Variants in PTPRQ observed in about 807,000 individuals in gnomAD.
The protein encoded by PTPRQ is phosphatidylinositol phosphatase PTPRQ.
Under a neutral mutation model 246.0 loss-of-function variants are expected in PTPRQ, and 199 were observed. That is an observed-to-expected ratio of 0.81 (90% CI 0.72 to 0.91). The LOEUF is 0.91. Ranked by LOEUF, PTPRQ falls within the 40% of genes least tolerant of loss-of-function variation. The probability of loss-of-function intolerance (pLI) is 0.00; values close to 1 mark genes in which losing one functional copy is unlikely to be tolerated. For missense variants in PTPRQ, 2,624 were observed against 2,528.4 expected (o/e 1.04, Z -0.81); for synonymous variants, 869 against 853.2 (o/e 1.02, Z -0.32).
chr12:80,557,084 C>A (rs1049308150), intron 25 of PTPRQ, among the ~76,000 whole-genome samples: 1 of 152,100 alleles, frequency 6.6e-6, no homozygotes, highest in African/African-American at 2.4e-5. Context: ...CTGAACACTG[C>A]AGAAATCTCT....
intron 25 of PTPRQ, among the ~76,000 whole-genome samples, chr12:80,558,087 C>T (rs1896697556): frequency 7.1e-6 from 1 of 140,608 alleles, no homozygotes; most frequent in African/African-American, 2.7e-5. Flanking sequence ...CCTCCCCTTC[C>T]CTCCCTCCCT....
intron 8 of PTPRQ, among the ~76,000 whole-genome samples, chr12:80,477,883 C>A (rs972372212): frequency 6.6e-6 from 1 of 152,184 alleles, no homozygotes; most frequent in Admixed American, 6.5e-5. Flanking sequence ...GGTCCTACGC[C>A]CACGGAGTCT....
intron 27 of PTPRQ, among the ~76,000 whole-genome samples, chr12:80,607,303 CAAAT>C (rs1253541561): frequency 6.6e-6 from 1 of 150,832 alleles, no homozygotes; most frequent in Non-Finnish European, 1.5e-5. Context: ...CATTAAATAA[CAAAT>C]AAAATTCGCC....
Position 80,445,573 on chromosome 12 carries a change from A to G in PTPRQ, c.246A>G (p.Pro82=). The G allele has an allele frequency of 5.2e-6, 8 of 1,549,338 alleles. No individual in the cohort carries two copies. Among genetic ancestry groups the G allele is most frequent in the Non-Finnish European group, 7.0e-6 (8 of 1,145,264 alleles). ...ILLSWNTPPN[P]NGRIISYIVK... Reference sequence around the variant, plus strand: ...TGTCTTGGAATACACCACCTAATCCAAATGGAAGGATTATATCTTACATTG... The same window carrying G: ...TGTCTTGGAATACACCACCTAATCCGAATGGAAGGATTATATCTTACATTG... The change falls in exon 3 of 45, where the codon CCA becomes CCG. Residue 82 remains proline, a synonymous_variant. Transcript: ENST00000644991.
intron 17 of PTPRQ, among the ~76,000 whole-genome samples, chr12:80,515,561 C>A (rs1041050949): frequency 6.6e-6 from 1 of 151,764 alleles, no homozygotes; most frequent in African/African-American, 2.4e-5. Flanking sequence ...GCTGGGATTA[C>A]AGGTGCCCAT....
chr12:80,568,080 A>G (rs953311956), intron 25 of PTPRQ, among the ~76,000 whole-genome samples: 6 of 152,326 alleles, frequency 3.9e-5, no homozygotes, highest in Non-Finnish European at 7.4e-5. Flanking sequence ...AAAAATGATT[A>G]TAGAAACTGA....
At chr12:80,453,004 A>C (rs1285491934) in intron 3 of PTPRQ, among the ~76,000 whole-genome samples, 2 of 152,214 alleles carry the variant, frequency 1.3e-5, no homozygotes, top group African/African-American at 4.8e-5. Flanking sequence ...CAGGTATACC[A>C]ATCATACGTA....
intron 25 of PTPRQ, chr12:80,586,519 C>T (rs2121011769): frequency 1.3e-5 from 2 of 151,866 alleles, no homozygotes; most frequent in East Asian, 1.9e-4. Flanking sequence ...CTGGAAATAC[C>T]ATTTGACCCA....
At chr12:80,652,884 C>T in intron 38 of PTPRQ, 50 bp downstream of exon 38, 2 of 1,412,222 alleles carry the variant, frequency 1.4e-6, no homozygotes, top group Non-Finnish European at 1.8e-6. Context: ...TTTTAAATGC[C>T]TACCATCTTA....
chr12:80,630,445 G>A (rs965362839), intron 33 of PTPRQ, among the ~76,000 whole-genome samples: 1 of 152,002 alleles, frequency 6.6e-6, no homozygotes, highest in African/African-American at 2.4e-5. Context: ...TATAGGTCTT[G>A]CTCACTAGAT....
Position 80,510,451 on chromosome 12 carries a change from T to TC in PTPRQ, c.2678+8_2678+9insC. 1 of 1,299,784 alleles carries TC rather than the reference T, an allele frequency of 7.7e-7. No individual in the cohort carries two copies. The highest frequency in any genetic ancestry group is 1.0e-6 in the Non-Finnish European group (1 of 981,978). 80.5% of individuals were successfully genotyped at this position (1,299,784 alleles called of 1,614,324 possible). On this transcript the variant is annotated intron_variant, in intron 17 of 44. Transcript: ENST00000644991. ...TTACACAGTTTATGTCTGGTAATAA[T>TC]TTTTTTTTTGGAAATAGTTCTGAGA...
chr12:80,534,319 T>A, intron 18 of PTPRQ, 144 bp downstream of exon 18: 1 of 913,806 alleles, frequency 1.1e-6, no homozygotes, highest in East Asian at 3.0e-5. Context: ...TTTTGATCAC[T>A]TTTTAGCTGT....
intron 39 of PTPRQ, among the ~76,000 whole-genome samples, chr12:80,665,193 C>T (rs1439136902): frequency 6.6e-6 from 1 of 152,090 alleles, no homozygotes; most frequent in East Asian, 1.9e-4. Flanking sequence ...AGCTGAAGTA[C>T]GTGGAGTCCG....
At chr12:80,559,203 C>T (rs1033468462) in intron 25 of PTPRQ, among the ~76,000 whole-genome samples, 4 of 152,144 alleles carry the variant, frequency 2.6e-5, no homozygotes, top group African/African-American at 9.7e-5. Flanking sequence ...TGCCACCATG[C>T]CCGGCTAATT....
chr12:80,653,360 AAC>A (rs1334714501), intron 38 of PTPRQ, among the ~76,000 whole-genome samples: 1 of 152,206 alleles, frequency 6.6e-6, no homozygotes, highest in East Asian at 1.9e-4. Flanking sequence ...TAAGAAAATA[AAC>A]AGTGTTATTG....
chr12:80,579,354 C>T (rs1337508180), intron 25 of PTPRQ, among the ~76,000 whole-genome samples: 2 of 152,118 alleles, frequency 1.3e-5, no homozygotes, highest in South Asian at 2.1e-4. Context: ...ACACTATTTT[C>T]CTTCAGCCTA....
In PTPRQ at chr12:80,679,246, G is replaced by T; in HGVS notation, c.*223G>T. Reference sequence around the variant, plus strand: ...AGAATAAATATTATGCATTTTAAATGCTTAAGAAAAGACATCCCATATGTT... The same window carrying T: ...AGAATAAATATTATGCATTTTAAATTCTTAAGAAAAGACATCCCATATGTT... On this transcript the variant is annotated 3_prime_UTR_variant, in exon 45 of 45. Transcript: ENST00000644991. The T allele has an allele frequency of 2.3e-6, 1 of 429,366 alleles. No homozygotes were observed. The highest frequency in any genetic ancestry group is 3.8e-6 in the Non-Finnish European group (1 of 265,844). 26.6% of individuals were successfully genotyped at this position (429,366 alleles called of 1,614,324 possible). A position where few individuals can be genotyped will look rare whatever the true frequency, so the allele number is the denominator to read the frequency against.
chr12:80,463,901 C>A (rs1053919683), intron 6 of PTPRQ, among the ~76,000 whole-genome samples: 1 of 151,394 alleles, frequency 6.6e-6, no homozygotes, highest in Non-Finnish European at 1.5e-5. Context: ...TGGTACCAGC[C>A]GCTGCAAAAT....
intron 25 of PTPRQ, among the ~76,000 whole-genome samples, chr12:80,577,783 G>T (rs1208217649): frequency 3.9e-5 from 6 of 152,104 alleles, no homozygotes; most frequent in Non-Finnish European, 8.8e-5. Context: ...CCTATTTCAT[G>T]CACATTGAAT....
Sources: gnomAD v4.1 joint callset for allele counts (sites outside exome capture counted in the v4.1 genomes callset) on GRCh38, gnomAD v4.1.1 for gene constraint, MANE v1.5 for transcripts, NCBI Gene and HGNC (gene_info 2026-07-23, HGNC 2026-07-21) for gene names.